Variants in SSX2IP observed in about 807,000 individuals in gnomAD.
The protein encoded by SSX2IP is afadin- and alpha-actinin-binding protein.
A neutral mutation model predicts 84.9 loss-of-function variants in SSX2IP; 55 were observed. The ratio of observed to expected loss-of-function variants is 0.65; its 90% CI spans 0.52 to 0.81. The LOEUF is 0.81. SSX2IP is among the 30% of genes least tolerant of loss of function. The probability of loss-of-function intolerance (pLI) is 0.00; values close to 1 mark genes in which losing one functional copy is unlikely to be tolerated. For missense variants in SSX2IP, 664 were observed against 705.2 expected, an observed-to-expected ratio of 0.94 and a Z score of 0.66; for synonymous variants, 239 against 234.7, an observed-to-expected ratio of 1.02 and a Z score of -0.17.
At chr1:84,658,209 AAGTATAGTACTTT>A (rs1295007661) in intron 9 of SSX2IP, 96 bp downstream of exon 9, 1 of 1,167,082 alleles carries the variant, frequency 8.6e-7, no homozygotes, top group Non-Finnish European at 1.2e-6. Flanking sequence ...CACCAAACTG[AAGTATAGTACTTT>A]AGCTCTGAGC....
Position 84,647,202 on chromosome 1 carries a change from C to G in SSX2IP, c.*231G>C. 1 of 341,224 alleles carries G rather than the reference C, an allele frequency of 2.9e-6. No homozygotes were observed. The highest frequency in any genetic ancestry group is 5.2e-6 in the Non-Finnish European group (1 of 190,652). 21.1% of individuals were successfully genotyped at this position (341,224 alleles called of 1,614,324 possible). A position where few individuals can be genotyped will look rare whatever the true frequency, so the allele number is the denominator to read the frequency against. On this transcript the variant is annotated 3_prime_UTR_variant, in exon 14 of 14. Coordinates refer to ENST00000342203, the MANE Select transcript of SSX2IP (RefSeq NM_001166293.2). ...TTTCCATCCAAACATCTATACATTC[C>G]TTTATTCACAGAACCAGATGCTTCT...
intron 8 of SSX2IP, among the ~76,000 whole-genome samples, chr1:84,658,723 G>A (rs916410342): frequency 2.6e-5 from 4 of 152,164 alleles, no homozygotes; most frequent in African/African-American, 9.7e-5. Flanking sequence ...CTGAGAAGGA[G>A]ATATCACTAC....
chr1:84,663,195 T>C (rs914584278), intron 6 of SSX2IP, among the ~76,000 whole-genome samples: 7 of 152,114 alleles, frequency 4.6e-5, no homozygotes, highest in African/African-American at 1.4e-4. Context: ...ATGGAAACAT[T>C]TGGCGTAAAA....
chr1:84,679,402 A>G (rs1201581643), intron 1 of SSX2IP, among the ~76,000 whole-genome samples: 1 of 152,228 alleles, frequency 6.6e-6, no homozygotes, highest in Non-Finnish European at 1.5e-5. Flanking sequence ...GCCATTTTCC[A>G]GATATTTTCC....
At chr1:84,658,297 A>G in intron 9 of SSX2IP, 21 bp downstream of exon 9, 2 of 1,613,514 alleles carry the variant, frequency 1.2e-6, no homozygotes, top group Non-Finnish European at 1.7e-6. Context: ...CTCACTTTAC[A>G]TGCATAGAAG....
chr1:84,648,274 T>C (rs1283982159), intron 13 of SSX2IP, among the ~76,000 whole-genome samples: 1 of 152,202 alleles, frequency 6.6e-6, no homozygotes, highest in Non-Finnish European at 1.5e-5. Flanking sequence ...CTATTAGTTA[T>C]AAAACTTTTT....
rs544042724 is a variant in SSX2IP, at chr1:84,645,241, T to C, written c.*2192A>G. ...AACAAAATCCCAGGAGTTTTGTGTGTGGAGTCCTGGGTTTTCCAACAGACA... is the reference window on the plus strand; with the variant it reads ...AACAAAATCCCAGGAGTTTTGTGTGCGGAGTCCTGGGTTTTCCAACAGACA... On this transcript the variant is annotated 3_prime_UTR_variant, in exon 14 of 14. Transcript: ENST00000342203. 1 of 152,290 alleles carries C rather than the reference T, an allele frequency of 6.6e-6. No homozygotes were observed. Among genetic ancestry groups the C allele is most frequent in the Admixed American group, 6.5e-5 (1 of 15,294 alleles). 9.4% of individuals were successfully genotyped at this position (152,290 alleles called of 1,614,324 possible). A position where few individuals can be genotyped will look rare whatever the true frequency, so the allele number is the denominator to read the frequency against.
At position 84,665,714 on chromosome 1, in the gene SSX2IP, G is replaced by A. The variant is rs1652684960; in HGVS notation, c.537+408C>T. On this transcript the variant is annotated intron_variant, in intron 5 of 13. Coordinates refer to ENST00000342203, the MANE Select transcript of SSX2IP (RefSeq NM_001166293.2). ...TGCCCATTTAATGAAGAAACTGGTT[G>A]ACTAGACGAACAATGTCAATATTTA... is the stretch of plus-strand genomic sequence containing the variant. Among the ~76,000 whole-genome samples the A allele has an allele frequency of 2.0e-5, 3 of 152,138 alleles. No homozygotes were observed. In the South Asian group the frequency reaches 6.2e-4, roughly 31 times the overall value.
rs145686677 is a variant in SSX2IP, at chr1:84,667,601, C to A, written c.427-1369G>T. 7.3e-4 allele frequency among the ~76,000 whole-genome samples: 111 copies of A among 152,202 alleles called. 2 individuals carry two copies. The East Asian group carries it at 0.019, about 26-fold the overall frequency. ...TCCTCAGTGCTTCCCTGTTTTTGTA[C>A]AATTCCTTTTACACCATCAGGAGAT... On this transcript the variant is annotated intron_variant, in intron 4 of 13. Transcript: ENST00000342203.
intron 1 of SSX2IP, among the ~76,000 whole-genome samples, chr1:84,684,495 T>C (rs1285911147): frequency 6.6e-6 from 1 of 152,202 alleles, no homozygotes; most frequent in Admixed American, 6.5e-5. Flanking sequence ...AATGCCTGGC[T>C]AAGCAGCTTA....
chr1:84,679,239 T>C (rs1336229359), intron 1 of SSX2IP, among the ~76,000 whole-genome samples: 10 of 152,242 alleles, frequency 6.6e-5, no homozygotes, highest in Non-Finnish European at 1.5e-5. Flanking sequence ...GATTTTGTTA[T>C]AAAGGAGACC....
chr1:84,656,385 C>T lies in SSX2IP; in HGVS notation c.1178G>A (p.Cys393Tyr), dbSNP rs1651126545. 1 of 1,612,892 alleles carries T rather than the reference C, an allele frequency of 6.2e-7. No individual in the cohort carries two copies. Among genetic ancestry groups the T allele is most frequent in the Non-Finnish European group, 8.5e-7 (1 of 1,179,654 alleles). Residue 393 changes from cysteine (C) to tyrosine (Y), a missense_variant, in exon 10 of 14, where the codon TGT (cysteine) becomes TAT (tyrosine). Physicochemically the swap from Cys to Tyr is radical, Grantham distance 194. Coordinates refer to ENST00000342203, the MANE Select transcript of SSX2IP (RefSeq NM_001166293.2). ...TEKLELEIQQ[C>Y]KEMIKTQQQL... is the part of the protein sequence containing the mutation. Reference sequence around the variant, plus strand: ...TTGCTGAGTTTTAATCATTTCTTTACACTGCTGAATTTCTAACTCGAGTTT... The same window carrying T: ...TTGCTGAGTTTTAATCATTTCTTTATACTGCTGAATTTCTAACTCGAGTTT...
In SSX2IP at chr1:84,670,674, A is replaced by G. The variant is rs778962038; in HGVS notation, c.185T>C (p.Ile62Thr). ...ATCAAGATATGAGATACTCTGTTCA[A>G]TATTATCTTCTGTGCAGAAGGCACT... is the stretch of plus-strand genomic sequence containing the variant. ...FFSAFCTEDN[I>T]EQSISYLDQE... The change falls in exon 3 of 14, where the codon ATT becomes ACT. Residue 62 changes from isoleucine to threonine, a missense_variant. Transcript: ENST00000342203. The G allele has an allele frequency of 3.7e-6, 6 of 1,611,372 alleles. No individual in the cohort carries two copies. The highest frequency in any genetic ancestry group is 1.3e-5 in the African/African-American group (1 of 74,976).
intron 4 of SSX2IP, among the ~76,000 whole-genome samples, chr1:84,666,847 G>C (rs977774485): frequency 6.6e-6 from 1 of 152,084 alleles, no homozygotes; most frequent in Admixed American, 6.6e-5. Flanking sequence ...CGCATCTGAG[G>C]AACTGTGCCG....
chr1:84,666,105 A>C lies in SSX2IP; in HGVS notation c.537+17T>G, dbSNP rs1652741458. 1 of 1,583,800 alleles carries C rather than the reference A, an allele frequency of 6.3e-7. No homozygotes were observed. Among genetic ancestry groups the C allele is most frequent in the Non-Finnish European group, 8.6e-7 (1 of 1,157,278 alleles). ...AAAAATTCACTTAAACTTCATCTGCAATAACTGACAACTCACCTCATCTTT... is the reference window on the plus strand; with the variant it reads ...AAAAATTCACTTAAACTTCATCTGCCATAACTGACAACTCACCTCATCTTT... On this transcript the variant is annotated intron_variant, in intron 5 of 13. Transcript: ENST00000342203.
At chr1:84,660,895 C>CAAAA (rs11362631) in intron 8 of SSX2IP, among the ~76,000 whole-genome samples, 3 of 98,042 alleles carry the variant, frequency 3.1e-5, no homozygotes, top group African/African-American at 4.2e-5. Context: ...TACTAAAATA[C>CAAAA]AAAAAAAAAA....
intron 6 of SSX2IP, 95 bp downstream of exon 6, chr1:84,664,322 A>G: frequency 1.6e-6 from 2 of 1,226,276 alleles, no homozygotes; most frequent in Non-Finnish European, 2.2e-6. Context: ...TGAAAATAAC[A>G]TTTCGTGAGT....
At chr1:84,650,319 C>G (rs1211774249) in intron 13 of SSX2IP, 43 bp downstream of exon 13, 1 of 1,609,186 alleles carries the variant, frequency 6.2e-7, no homozygotes. Flanking sequence ...GCAACTTTAG[C>G]AATTTTTAGA....
intron 2 of SSX2IP, 71 bp from the exon 3 acceptor site, chr1:84,670,886 C>G (rs1653478849): frequency 8.1e-7 from 1 of 1,236,970 alleles, no homozygotes; most frequent in African/African-American, 1.5e-5. Context: ...ATCGCCATTA[C>G]TAAAGACTTT....
Sources: allele counts gnomAD v4.1 joint callset (sites outside exome capture counted in the v4.1 genomes callset), GRCh38; gene constraint gnomAD v4.1.1; transcripts MANE v1.5; gene names NCBI Gene and HGNC (gene_info 2026-07-23, HGNC 2026-07-21).